The following MGAT5 variants were observed in gnomAD, a reference collection of about 807,000 sequenced individuals.
MGAT5 encodes the protein alpha-1,6-mannosylglycoprotein 6-beta-N-acetylglucosaminyltransferase A.
MGAT5 carries 30 observed loss-of-function variants against 94.3 expected under a neutral mutation model. That is an observed-to-expected ratio of 0.32 (90% confidence interval 0.24 to 0.43). MGAT5 has a LOEUF of 0.43. Ranked by LOEUF, MGAT5 falls within the 20% of genes least tolerant of loss-of-function variation. The probability of loss-of-function intolerance (pLI) is 1.00; values close to 1 mark genes in which losing one functional copy is unlikely to be tolerated. For synonymous variants in MGAT5, 310 were observed against 322.9 expected, an observed-to-expected ratio of 0.96 and a Z score of 0.43; for missense variants, 691 against 905.5, an observed-to-expected ratio of 0.76 and a Z score of 3.04.
intron 1 of MGAT5, among the ~76,000 whole-genome samples, chr2:134,136,803 G>T (rs983672833): frequency 6.6e-6 from 1 of 152,096 alleles, no homozygotes; most frequent in Non-Finnish European, 1.5e-5. Flanking sequence ...ATCAAGAGTT[G>T]ACCTCCTCCT....
At chr2:134,415,059 A>G (rs1683890667) in intron 12 of MGAT5, among the ~76,000 whole-genome samples, 2 of 152,250 alleles carry the variant, frequency 1.3e-5, no homozygotes, top group South Asian at 2.1e-4. Flanking sequence ...GCTATTATGA[A>G]TAATGCTGCA....
chr2:134,123,300 A>G (rs980529043), intron 1 of MGAT5, among the ~76,000 whole-genome samples: 6 of 152,090 alleles, frequency 3.9e-5, no homozygotes, highest in Non-Finnish European at 7.4e-5. Flanking sequence ...CTTTTCCCTA[A>G]TGTTCCATGT....
intron 1 of MGAT5, among the ~76,000 whole-genome samples, chr2:134,214,397 C>T (rs553933859): frequency 6.6e-6 from 1 of 152,336 alleles, no homozygotes. Flanking sequence ...CCCTCGACCA[C>T]ATTGGAAGAA....
At position 134,441,029 on chromosome 2, in the gene MGAT5, G is replaced by A. The variant is rs557766292; in HGVS notation, c.1870-729G>A. 2.0e-4 allele frequency among the ~76,000 whole-genome samples: 31 copies of A among 152,308 alleles called. 1 individual carries two copies. In the East Asian group the frequency reaches 5.4e-3, roughly 27 times the overall value. ...AATGTACCATAGGAACTTAACTCTT[G>A]TTAATATCAATTAGCCTGTTGTAAA... is the stretch of plus-strand genomic sequence containing the variant. On this transcript the variant is annotated intron_variant, in intron 14 of 15. Transcript: ENST00000281923.
chr2:134,126,560 A>C (rs796763804), intron 1 of MGAT5, among the ~76,000 whole-genome samples: 4 of 152,264 alleles, frequency 2.6e-5, no homozygotes, highest in Admixed American at 6.5e-5. Context: ...AAGCTTAACT[A>C]AGAAGAATCA....
intron 4 of MGAT5, among the ~76,000 whole-genome samples, chr2:134,332,576 A>G (rs1688043319): frequency 6.6e-6 from 1 of 152,210 alleles, no homozygotes; most frequent in Non-Finnish European, 1.5e-5. Flanking sequence ...ACAAAAGCCA[A>G]AATTGACAAA....
chr2:134,125,720 C>G (rs527598696), intron 1 of MGAT5, among the ~76,000 whole-genome samples: 1 of 152,334 alleles, frequency 6.6e-6, no homozygotes, highest in East Asian at 1.9e-4. Context: ...TGTGCTCACA[C>G]CCAGCTTCAC....
At chr2:134,341,133 TA>T (rs1169862879) in intron 6 of MGAT5, among the ~76,000 whole-genome samples, 1 of 152,180 alleles carries the variant, frequency 6.6e-6, no homozygotes, top group Non-Finnish European at 1.5e-5. Context: ...GGGTATAGAT[TA>T]AATATGCATT....
intron 8 of MGAT5, 87 bp downstream of exon 8, chr2:134,345,151 A>C (rs889367101): frequency 1.4e-6 from 2 of 1,401,932 alleles, no homozygotes; most frequent in Non-Finnish European, 2.0e-6. Flanking sequence ...AAGCTTATCA[A>C]ATAGTATCTT....
At chr2:134,385,340 T>C (rs1178973828) in intron 10 of MGAT5, among the ~76,000 whole-genome samples, 3 of 152,146 alleles carry the variant, frequency 2.0e-5, no homozygotes, top group Non-Finnish European at 4.4e-5. Context: ...AAAACCTGCC[T>C]CATAATAACC....
chr2:134,332,764 A>C (rs150423083), intron 4 of MGAT5, among the ~76,000 whole-genome samples: 22,782 of 151,860 alleles, frequency 0.15, 1,743 homozygotes, highest in Middle Eastern at 0.35. Flanking sequence ...CCCATCAAAA[A>C]GTGGGCGAAG....
intron 2 of MGAT5, among the ~76,000 whole-genome samples, chr2:134,314,922 G>T (rs74407524): frequency 2.0e-5 from 3 of 152,238 alleles, no homozygotes; most frequent in African/African-American, 4.8e-5. Flanking sequence ...CCATCCATTC[G>T]TTCAGCTGTT....
In MGAT5 at chr2:134,412,542, T is replaced by TTGG. The variant is rs376580492; in HGVS notation, c.1531-313_1531-311dup. Among the ~76,000 whole-genome samples the TTGG allele has an allele frequency of 9.9e-5, 15 of 152,250 alleles. No homozygotes were observed. The South Asian group carries it at 1.5e-3, about 15-fold the overall frequency. The stretch of plus-strand genomic sequence containing the variant: ...GTTACAGAAGGATTATTGTTGGGTC[T>TTGG]TGGTGGTGGTGGTGGTTGTTTTTCT... On this transcript the variant is annotated intron_variant, in intron 11 of 15. Coordinates refer to ENST00000281923, the MANE Select transcript of MGAT5 (RefSeq NM_002410.5).
chr2:134,251,358 G>A (rs1007611890), upstream of MGAT5, among the ~76,000 whole-genome samples: 2 of 152,214 alleles, frequency 1.3e-5, no homozygotes, highest in African/African-American at 4.8e-5. Flanking sequence ...TTGGCGCGGA[G>A]CGGAGTGGAG....
chr2:134,162,692 C>T (rs1687791098), intron 1 of MGAT5, among the ~76,000 whole-genome samples: 1 of 152,180 alleles, frequency 6.6e-6, no homozygotes, highest in South Asian at 2.1e-4. Context: ...ACATTGTCCC[C>T]TTAAGGAGAC....
At chr2:134,433,707 A>C (rs1685009844) in intron 14 of MGAT5, among the ~76,000 whole-genome samples, 1 of 152,130 alleles carries the variant, frequency 6.6e-6, no homozygotes, top group South Asian at 2.1e-4. Flanking sequence ...TATTTATGGA[A>C]CACTTCCTGT....
chr2:134,255,318 TTA>T (rs1243927341), intron 1 of MGAT5, among the ~76,000 whole-genome samples: 1 of 152,078 alleles, frequency 6.6e-6, no homozygotes, highest in Non-Finnish European at 1.5e-5. Context: ...TATTTTTCTT[TTA>T]TGTTTAATAT....
At chr2:134,373,679 C>T (rs1680965780) in intron 10 of MGAT5, among the ~76,000 whole-genome samples, 2 of 152,190 alleles carry the variant, frequency 1.3e-5, no homozygotes, top group African/African-American at 4.8e-5. Context: ...CAGGAGATCG[C>T]CTCACTGTTC....
At chr2:134,386,620 G>C (rs1219180144) in intron 10 of MGAT5, among the ~76,000 whole-genome samples, 1 of 152,178 alleles carries the variant, frequency 6.6e-6, no homozygotes, top group Non-Finnish European at 1.5e-5. Flanking sequence ...CACTTAGGAG[G>C]CAAAAGCAAG....
Sources: allele counts gnomAD v4.1 joint callset (sites outside exome capture counted in the v4.1 genomes callset), GRCh38; gene constraint gnomAD v4.1.1; transcripts MANE v1.5; gene names NCBI Gene and HGNC (gene_info 2026-07-23, HGNC 2026-07-21).